Variants in DLG2 observed in about 807,000 individuals in gnomAD.
The protein encoded by DLG2 is discs large MAGUK scaffold protein 2, also known as disks large homolog 2.
DLG2 carries 45 observed loss-of-function variants against 132.5 expected under a neutral mutation model. The ratio of observed to expected loss-of-function variants is 0.34; its 90% CI spans 0.27 to 0.44. DLG2 has a LOEUF of 0.44. Ranked by LOEUF, DLG2 falls within the 20% of genes least tolerant of loss-of-function variation. The pLI, the probability that DLG2 is intolerant of heterozygous loss-of-function variation, is 1.00. For synonymous variants in DLG2, 424 were observed against 419.6 expected, an observed-to-expected ratio of 1.01 and a Z score of -0.13; for missense variants, 1,045 against 1,196.9, an observed-to-expected ratio of 0.87 and a Z score of 1.87.
chr11:85,131,353 GAATA>G (rs1449475593), intron 5 of DLG2, among the ~76,000 whole-genome samples: 2 of 151,890 alleles, frequency 1.3e-5, no homozygotes, highest in Non-Finnish European at 2.9e-5. Context: ...TATAATTTGG[GAATA>G]AATAATCATA....
chr11:84,645,521 G>A (rs951170263), intron 6 of DLG2, among the ~76,000 whole-genome samples: 4 of 152,172 alleles, frequency 2.6e-5, no homozygotes, highest in African/African-American at 9.6e-5. Flanking sequence ...AGGCCAGAGT[G>A]CAGTCGCACG....
intron 4 of DLG2, among the ~76,000 whole-genome samples, chr11:85,255,581 A>G (rs1045503230): frequency 1.2e-4 from 18 of 152,224 alleles, no homozygotes; most frequent in African/African-American, 4.1e-4. Context: ...ATCTTTCACT[A>G]TTCTATGCCC....
chr11:84,250,009 C>A (rs1409136453), intron 8 of DLG2, among the ~76,000 whole-genome samples: 2 of 151,850 alleles, frequency 1.3e-5, no homozygotes, highest in African/African-American at 4.9e-5. Flanking sequence ...ATTGCAGAAC[C>A]TGCTCAGGAC....
At chr11:83,746,382 G>C (rs1396531628) in intron 18 of DLG2, among the ~76,000 whole-genome samples, 1 of 152,138 alleles carries the variant, frequency 6.6e-6, no homozygotes, top group Non-Finnish European at 1.5e-5. Flanking sequence ...ATACACCATG[G>C]AATACTATGC....
intron 18 of DLG2, among the ~76,000 whole-genome samples, chr11:83,733,384 G>GT (rs940191802): frequency 6.6e-5 from 10 of 151,752 alleles, no homozygotes; most frequent in African/African-American, 2.4e-4. Flanking sequence ...ACTGCATATC[G>GT]TATCAGGCAT....
rs1157088846 is a variant in DLG2, at chr11:85,465,073, CAAAAAAAAAAAAAAAAAAAAAAAAAA to C, written c.40+133558_40+133583del. ...CGGGCAACAGTGCAGAACTCTGCCT[CAAAAAAAAAAAAAAAAAAAAAAAAAA>C]AAAAAAAAAAAAAAAAAAAAGAAGC... On this transcript the variant is annotated intron_variant, in intron 3 of 27. Coordinates refer to ENST00000376104, the MANE Select transcript of DLG2 (RefSeq NM_001142699.3). 8.2e-3 allele frequency among the ~76,000 whole-genome samples: 141 copies of C among 17,144 alleles called. 2 individuals carry two copies. The highest frequency in any genetic ancestry group is 0.035 in the South Asian group (14 of 398). 11.2% of individuals were successfully genotyped at this position (17,144 alleles called of 152,430 possible). A position where few individuals can be genotyped will look rare whatever the true frequency, so the allele number is the denominator to read the frequency against.
At chr11:84,606,590 T>C (rs2099586093) in intron 6 of DLG2, among the ~76,000 whole-genome samples, 5 of 152,054 alleles carry the variant, frequency 3.3e-5, no homozygotes. Flanking sequence ...AATTAATTGA[T>C]GGATTAAATG....
At chr11:85,088,345 C>A (rs934649539) in intron 6 of DLG2, among the ~76,000 whole-genome samples, 1 of 152,140 alleles carries the variant, frequency 6.6e-6, no homozygotes, top group African/African-American at 2.4e-5. Flanking sequence ...AAATTTCATG[C>A]ATTTTTATTT....
chr11:84,984,270 T>C (rs1230138300), intron 6 of DLG2, among the ~76,000 whole-genome samples: 1 of 151,996 alleles, frequency 6.6e-6, no homozygotes, highest in Non-Finnish European at 1.5e-5. Context: ...AAACACCAGG[T>C]AACCCAGATT....
At chr11:84,108,613 A>G (rs1422190701) in intron 9 of DLG2, among the ~76,000 whole-genome samples, 2 of 152,098 alleles carry the variant, frequency 1.3e-5, no homozygotes, top group African/African-American at 4.8e-5. Context: ...ATGCAGTGGT[A>G]AGAAAGGGAA....
chr11:85,467,070 C>G (rs1308332092), intron 3 of DLG2, among the ~76,000 whole-genome samples: 6 of 152,150 alleles, frequency 3.9e-5, no homozygotes, highest in African/African-American at 1.4e-4. Context: ...CTCTTTGAAG[C>G]AACTGTGAAT....
chr11:83,799,985 G>C lies in DLG2; in HGVS notation c.1723-13193C>G, dbSNP rs542745713. ...ACAGAGTTGCTGTAAGGTTAGATTA[G>C]TTAATACATGTAAAGCATTTAGAAC... On this transcript the variant is annotated intron_variant, in intron 17 of 27. Coordinates refer to ENST00000376104, the MANE Select transcript of DLG2 (RefSeq NM_001142699.3). 1.5e-4 allele frequency among the ~76,000 whole-genome samples: 23 copies of C among 152,298 alleles called. No homozygotes were observed. The South Asian group carries it at 4.8e-3, about 32-fold the overall frequency.
At chr11:84,058,950 A>G (rs2096548254) in intron 11 of DLG2, among the ~76,000 whole-genome samples, 1 of 152,048 alleles carries the variant, frequency 6.6e-6, no homozygotes, top group African/African-American at 2.4e-5. Flanking sequence ...TATTTTAATT[A>G]TTATTTATAT....
At chr11:85,445,655 G>C (rs552169785) in intron 3 of DLG2, among the ~76,000 whole-genome samples, 74 of 152,292 alleles carry the variant, frequency 4.9e-4, no homozygotes, top group African/African-American at 1.6e-3. Context: ...TGTCCAGCCT[G>C]GGCAACGAGA....
At chr11:84,940,734 G>A (rs776401220) in intron 6 of DLG2, among the ~76,000 whole-genome samples, 2 of 152,164 alleles carry the variant, frequency 1.3e-5, no homozygotes, top group Non-Finnish European at 2.9e-5. Flanking sequence ...GTAACTTGAT[G>A]TGATCCTATT....
intron 3 of DLG2, among the ~76,000 whole-genome samples, chr11:85,357,991 C>G (rs2083869176): frequency 6.6e-6 from 1 of 151,056 alleles, no homozygotes. Flanking sequence ...AGGTTATCTC[C>G]AAGAACTTAG....
intron 11 of DLG2, among the ~76,000 whole-genome samples, chr11:84,032,286 T>C (rs867723293): frequency 1.3e-5 from 2 of 152,148 alleles, no homozygotes; most frequent in African/African-American, 2.4e-5. Context: ...AAGTTGTAAA[T>C]ACAAAGGAAG....
intron 18 of DLG2, among the ~76,000 whole-genome samples, chr11:83,683,575 G>T (rs2079183062): frequency 6.6e-6 from 1 of 152,142 alleles, no homozygotes; most frequent in Admixed American, 6.5e-5. Flanking sequence ...CCCTGTCTTT[G>T]CCACTAATTT....
In DLG2 at chr11:84,518,214, G is replaced by A. The variant is rs1429773924; in HGVS notation, c.519+16356C>T. ...AAGGAAAGGTTTCAGAACCTACAAA[G>A]AGTTTAATAGGCTACTACAGATATC... On this transcript the variant is annotated intron_variant, in intron 7 of 27. Transcript: ENST00000376104. 2.2e-5 allele frequency among the ~76,000 whole-genome samples: 2 copies of A among 92,148 alleles called. 1 individual carries two copies. Among genetic ancestry groups the A allele is most frequent in the Non-Finnish European group, 4.9e-5 (2 of 40,484 alleles). 60.5% of individuals were successfully genotyped at this position (92,148 alleles called of 152,430 possible).
Sources: allele counts gnomAD v4.1 joint callset (sites outside exome capture counted in the v4.1 genomes callset), GRCh38; gene constraint gnomAD v4.1.1; transcripts MANE v1.5; gene names NCBI Gene and HGNC (gene_info 2026-07-23, HGNC 2026-07-21).